The following SDK1 variants were observed in gnomAD, a reference collection of about 807,000 sequenced individuals.
SDK1 encodes sidekick cell adhesion molecule 1, also known as protein sidekick-1.
A neutral mutation model predicts 245.5 loss-of-function variants in SDK1; 157 were observed. The ratio of observed to expected loss-of-function variants is 0.64; its 90% CI spans 0.56 to 0.73. The LOEUF is 0.73. SDK1 is among the 30% of genes least tolerant of loss of function. The pLI, the probability that SDK1 is intolerant of heterozygous loss-of-function variation, is 0.00. For missense variants in SDK1, 3,583 were observed against 3,002.3 expected, an observed-to-expected ratio of 1.19 and a Z score of -4.52; for synonymous variants, 1,647 against 1,278.5, an observed-to-expected ratio of 1.29 and a Z score of -6.15.
At chr7:3,938,563 G>A (rs372331721) in intron 5 of SDK1, among the ~76,000 whole-genome samples, 13 of 151,314 alleles carry the variant, frequency 8.6e-5, no homozygotes, top group East Asian at 1.9e-4. Context: ...GGAGAATGGC[G>A]TGAACCTGGG....
At chr7:4,208,834 G>A (rs920026656) in intron 37 of SDK1, among the ~76,000 whole-genome samples, 2 of 152,192 alleles carry the variant, frequency 1.3e-5, no homozygotes, top group African/African-American at 2.4e-5. Flanking sequence ...TCATCTCCAC[G>A]CACAGGGCGC....
At chr7:3,630,589 T>A (rs1782260329) in intron 2 of SDK1, among the ~76,000 whole-genome samples, 1 of 152,108 alleles carries the variant, frequency 6.6e-6, no homozygotes, top group Non-Finnish European at 1.5e-5. Flanking sequence ...TGAGCCGAGA[T>A]TGTGCCATTG....
intron 1 of SDK1, among the ~76,000 whole-genome samples, chr7:3,465,148 A>G (rs1300408730): frequency 1.3e-5 from 2 of 152,122 alleles, no homozygotes; most frequent in Non-Finnish European, 2.9e-5. Flanking sequence ...TTGTGCCTGC[A>G]CTTCCGTGTG....
intron 42 of SDK1, among the ~76,000 whole-genome samples, chr7:4,241,449 A>G (rs1231433076): frequency 1.3e-5 from 2 of 152,212 alleles, no homozygotes; most frequent in Non-Finnish European, 2.9e-5. Context: ...AGCCTGGGCA[A>G]CGTAGCGAGA....
chr7:4,127,243 G>A, intron 25 of SDK1, 138 bp from the exon 26 acceptor site: 2 of 690,648 alleles, frequency 2.9e-6, no homozygotes, highest in Non-Finnish European at 2.6e-6. Flanking sequence ...TACTCCTGTA[G>A]GTTTAATCTG....
intron 5 of SDK1, among the ~76,000 whole-genome samples, chr7:3,862,070 G>T (rs1008223718): frequency 6.6e-6 from 1 of 152,222 alleles, no homozygotes; most frequent in African/African-American, 2.4e-5. Flanking sequence ...CCTTGCCAAT[G>T]GTGGGTGGGG....
chr7:3,338,014 T>G, intron 1 of SDK1: 1 of 157,466 alleles, frequency 6.4e-6, no homozygotes, highest in Non-Finnish European at 1.4e-5. Context: ...GAAGCAAAAT[T>G]TTAATGTAAT....
intron 4 of SDK1, among the ~76,000 whole-genome samples, chr7:3,754,200 A>T (rs370867740): frequency 6.6e-6 from 1 of 152,220 alleles, no homozygotes; most frequent in African/African-American, 2.4e-5. Flanking sequence ...TTACATTTTC[A>T]TACAGTTGTC....
intron 5 of SDK1, among the ~76,000 whole-genome samples, chr7:3,947,685 T>G (rs1780635058): frequency 6.6e-6 from 1 of 151,332 alleles, no homozygotes; most frequent in Non-Finnish European, 1.5e-5. Context: ...CTTTTTAAAA[T>G]ATACACATAT....
At chr7:3,952,806 G>A (rs113151811) in intron 7 of SDK1, among the ~76,000 whole-genome samples, 2 of 152,206 alleles carry the variant, frequency 1.3e-5, no homozygotes, top group East Asian at 3.9e-4. Context: ...TCTAAATGCT[G>A]GAAACTATTA....
chr7:4,150,170 C>T (rs986939306), intron 30 of SDK1, among the ~76,000 whole-genome samples: 3 of 152,286 alleles, frequency 2.0e-5, no homozygotes, highest in South Asian at 2.1e-4. Flanking sequence ...GAAGCCACCC[C>T]AGGAGTCCAC....
At chr7:3,319,515 A>G (rs546577916) in intron 1 of SDK1, among the ~76,000 whole-genome samples, 1 of 152,246 alleles carries the variant, frequency 6.6e-6, no homozygotes, top group South Asian at 2.1e-4. Context: ...TATCTCCTCA[A>G]GAGTACATGC....
intron 8 of SDK1, among the ~76,000 whole-genome samples, chr7:3,959,534 T>C (rs1781511466): frequency 1.3e-5 from 2 of 152,230 alleles, no homozygotes; most frequent in Admixed American, 6.5e-5. Context: ...ACTGGAGTGA[T>C]GTACCCTGTA....
At chr7:3,658,776 G>C (rs538355210) in intron 4 of SDK1, among the ~76,000 whole-genome samples, 2 of 152,036 alleles carry the variant, frequency 1.3e-5, no homozygotes, top group African/African-American at 2.4e-5. Context: ...CACCACACCT[G>C]ACTAATGTTT....
chr7:3,599,125 C>G lies in SDK1; in HGVS notation c.299-19955C>G, dbSNP rs147747539. Among the ~76,000 whole-genome samples the G allele has an allele frequency of 2.1e-3, 308 of 145,318 alleles. 2 individuals are homozygous for G. Among genetic ancestry groups the G allele is most frequent in the African/African-American group, 7.5e-3 (293 of 38,986 alleles). Reference sequence around the variant, plus strand: ...TTTTTTTTTTTTTTTTACATCCTCACCGGCATCTGGCGTTCTCGCTGTTTT... The same window carrying G: ...TTTTTTTTTTTTTTTTACATCCTCAGCGGCATCTGGCGTTCTCGCTGTTTT... On this transcript the variant is annotated intron_variant, in intron 1 of 44. Coordinates refer to ENST00000404826, the MANE Select transcript of SDK1 (RefSeq NM_152744.4).
At position 3,572,758 on chromosome 7, in the gene SDK1, CT is replaced by C. The variant is rs1405063324; in HGVS notation, c.299-46319del. ...AAATCCAGTCATTGCCTTCACAGGA[CT>C]TTCACTTAGCAGGGGCTTCAGACAA... On this transcript the variant is annotated intron_variant, in intron 1 of 44. Transcript: ENST00000404826. Among the ~76,000 whole-genome samples, 3 of 152,068 alleles carry C rather than the reference CT, an allele frequency of 2.0e-5. No individual in the cohort carries two copies. The East Asian group carries it at 5.8e-4, about 29-fold the overall frequency.
At position 3,331,081 on chromosome 7, in the gene SDK1, T is replaced by G. The variant is rs549853428; in HGVS notation, c.298+29197T>G. 1.4e-3 allele frequency among the ~76,000 whole-genome samples: 210 copies of G among 152,198 alleles called. 4 individuals are homozygous for G. The highest frequency in any genetic ancestry group is 4.9e-3 in the African/African-American group (204 of 41,542). On this transcript the variant is annotated intron_variant, in intron 1 of 44. Coordinates refer to ENST00000404826, the MANE Select transcript of SDK1 (RefSeq NM_152744.4). Reference sequence around the variant, plus strand: ...GAGTTTGAGACTAGTCTGGCCAACATGGTGAAACCCCGTCTCTACTAAAAA... The same window carrying G: ...GAGTTTGAGACTAGTCTGGCCAACAGGGTGAAACCCCGTCTCTACTAAAAA...
chr7:4,166,513 G>A (rs546059529), intron 32 of SDK1, among the ~76,000 whole-genome samples: 1 of 152,380 alleles, frequency 6.6e-6, no homozygotes, highest in Admixed American at 6.5e-5. Flanking sequence ...CACAGCCTGA[G>A]GAAAGGCTCA....
chr7:3,757,572 T>G (rs932836681), intron 4 of SDK1, among the ~76,000 whole-genome samples: 1 of 152,056 alleles, frequency 6.6e-6, no homozygotes, highest in Non-Finnish European at 1.5e-5. Context: ...CAATTTATTA[T>G]AAAGGATACA....
Sources: gnomAD v4.1 joint callset for allele counts (sites outside exome capture counted in the v4.1 genomes callset) on GRCh38, gnomAD v4.1.1 for gene constraint, MANE v1.5 for transcripts, NCBI Gene and HGNC (gene_info 2026-07-23, HGNC 2026-07-21) for gene names.